The following FHIP2A variants were observed in gnomAD, a reference collection of about 807,000 sequenced individuals.
The protein encoded by FHIP2A is FHF complex subunit HOOK interacting protein 2A.
A neutral mutation model predicts 93.5 loss-of-function variants in FHIP2A; 46 were observed. That is an observed-to-expected ratio of 0.49 (90% confidence interval 0.39 to 0.63). The LOEUF is 0.63. Ranked by LOEUF, FHIP2A falls within the 20% of genes least tolerant of loss-of-function variation. FHIP2A has a pLI of 0.00. For synonymous variants in FHIP2A, 332 were observed against 326.5 expected, an observed-to-expected ratio of 1.02 and a Z score of -0.18; for missense variants, 769 against 909.7, an observed-to-expected ratio of 0.85 and a Z score of 1.99.
Position 114,861,262 on chromosome 10 carries a change from G to A in FHIP2A, c.2120G>A (p.Arg707His), listed in dbSNP as rs200572598. Residue 707 changes from arginine to histidine, a missense_variant, in exon 16 of 17, where the codon CGT becomes CAT. Coordinates refer to ENST00000369248, the MANE Select transcript of FHIP2A (RefSeq NM_020940.4). ...GGAGACCTTATGCTTCGAATCCAGC[G>A]TATTCAAGACTTTACTCCCAAGCTT... ...VVGDLMLRIQ[R>H]IQDFTPKLLL... is the part of the protein sequence containing the mutation. 1.9e-5 allele frequency: 31 copies of A among 1,614,010 alleles called. No homozygotes were observed. Among genetic ancestry groups the A allele is most frequent in the Middle Eastern group, 1.6e-4 (1 of 6,084 alleles).
At chr10:114,845,980 A>T (rs933425956) in intron 8 of FHIP2A, 33 bp from the exon 9 acceptor site, 6 of 751,302 alleles carry the variant, frequency 8.0e-6, no homozygotes, top group African/African-American at 2.0e-5. Flanking sequence ...CTTTTATATT[A>T]AAAAAAAAAA....
chr10:114,847,068 T>C (rs1404002850), intron 11 of FHIP2A, 22 bp from the exon 12 acceptor site: 5 of 1,573,270 alleles, frequency 3.2e-6, no homozygotes, highest in Non-Finnish European at 4.3e-6. Context: ...GTGCTTTTTA[T>C]GTGTCATTAA....
chr10:114,859,974 G>GT (rs2083788253), intron 14 of FHIP2A, among the ~76,000 whole-genome samples: 1 of 152,118 alleles, frequency 6.6e-6, no homozygotes. Flanking sequence ...TACTGTATGT[G>GT]TTTTTGGGAA....
intron 16 of FHIP2A, among the ~76,000 whole-genome samples, chr10:114,874,849 G>GT (rs2083876458): frequency 6.6e-6 from 1 of 152,164 alleles, no homozygotes; most frequent in Non-Finnish European, 1.5e-5. Context: ...AAAAGCAGAG[G>GT]TGACTCAGGC....
At chr10:114,890,267 A>T (rs1481814580) in intron 16 of FHIP2A, among the ~76,000 whole-genome samples, 1 of 151,910 alleles carries the variant, frequency 6.6e-6, no homozygotes, top group East Asian at 1.9e-4. Context: ...ACCTCAAGTG[A>T]TCCACCCACC....
intron 1 of FHIP2A, among the ~76,000 whole-genome samples, chr10:114,830,437 T>C (rs1274979050): frequency 6.6e-6 from 1 of 151,984 alleles, no homozygotes; most frequent in African/African-American, 2.4e-5. Flanking sequence ...CACGCCTGGC[T>C]AATTTTTGTA....
intron 12 of FHIP2A, among the ~76,000 whole-genome samples, chr10:114,847,892 G>T (rs79201119): frequency 6.6e-6 from 1 of 151,898 alleles, no homozygotes; most frequent in Non-Finnish European, 1.5e-5. Context: ...GATTACAGTC[G>T]CATGGCTACT....
Position 114,863,824 on chromosome 10 carries a change from A to G in FHIP2A, c.*2284A>G, listed in dbSNP as rs1337837559. On this transcript the variant is annotated 3_prime_UTR_variant, in exon 17 of 17. Transcript: ENST00000369248. ...CTGAGTGGAAAGCACCGTCATAACA[A>G]TTGATTGCCATAGCAAGTTCCAAAG... The G allele has an allele frequency of 9.4e-7, 1 of 1,061,132 alleles. No individual in the cohort carries two copies. Among genetic ancestry groups the G allele is most frequent in the Non-Finnish European group, 1.2e-6 (1 of 866,538 alleles). 65.7% of individuals were successfully genotyped at this position (1,061,132 alleles called of 1,614,324 possible).
chr10:114,857,158 G>A (rs1439483864), intron 14 of FHIP2A, among the ~76,000 whole-genome samples: 2 of 151,900 alleles, frequency 1.3e-5, no homozygotes, highest in East Asian at 3.9e-4. Flanking sequence ...AAGCCTTTTG[G>A]GTAAGAACGT....
At chr10:114,868,190 C>T (rs1216072087), downstream of FHIP2A, among the ~76,000 whole-genome samples, 1 of 152,106 alleles carries the variant, frequency 6.6e-6, no homozygotes, top group Non-Finnish European at 1.5e-5. Context: ...GGTCCCCCAA[C>T]CCCCGGGCCA....
At position 114,843,723 on chromosome 10, in the gene FHIP2A, G is replaced by T. The variant is rs115187889; in HGVS notation, c.817-18G>T. On this transcript the variant is annotated intron_variant, in intron 6 of 16. Transcript: ENST00000369248. The stretch of plus-strand genomic sequence containing the variant: ...ATATACAATTCAAGAATTGAAGGGG[G>T]ATTTTTTTTTCCTTTAGGATGGCAG... The T allele has an allele frequency of 9.5e-4, 1,404 of 1,475,600 alleles. 17 individuals are homozygous for T. In the African/African-American group the frequency reaches 0.018, roughly 19 times the overall value. The allele number at this position is 1,475,600 out of a possible 1,614,324, so 91.4% of individuals were successfully genotyped here. A position where few individuals can be genotyped will look rare whatever the true frequency, so the allele number is the denominator to read the frequency against.
At chr10:114,825,870 A>G (rs74158068) in intron 1 of FHIP2A, among the ~76,000 whole-genome samples, 5,978 of 152,306 alleles carry the variant, frequency 0.039, 338 homozygotes, top group African/African-American at 0.13. Context: ...TTGCGGGCAG[A>G]TTTATTCCAG....
At chr10:114,856,831 A>G (rs1359598633) in intron 14 of FHIP2A, among the ~76,000 whole-genome samples, 1 of 152,214 alleles carries the variant, frequency 6.6e-6, no homozygotes, top group Non-Finnish European at 1.5e-5. Flanking sequence ...GTAACCGTGT[A>G]TCATAGGCAA....
intron 13 of FHIP2A, among the ~76,000 whole-genome samples, chr10:114,854,565 C>T (rs1017683945): frequency 6.6e-6 from 1 of 152,054 alleles, no homozygotes; most frequent in Non-Finnish European, 1.5e-5. Flanking sequence ...CTGATTATTT[C>T]ATAGTTAGAT....
chr10:114,882,240 GA>G (rs2083920669), intron 16 of FHIP2A, among the ~76,000 whole-genome samples: 1 of 152,052 alleles, frequency 6.6e-6, no homozygotes, highest in Non-Finnish European at 1.5e-5. Flanking sequence ...ACCTCTCAGC[GA>G]AGAATGAGGC....
At chr10:114,828,240 G>C (rs184364864) in intron 1 of FHIP2A, among the ~76,000 whole-genome samples, 1 of 152,266 alleles carries the variant, frequency 6.6e-6, no homozygotes, top group African/African-American at 2.4e-5. Flanking sequence ...TATTCACAAA[G>C]TAACACCATT....
At chr10:114,837,781 A>G (rs1391047746) in intron 5 of FHIP2A, among the ~76,000 whole-genome samples, 1 of 152,136 alleles carries the variant, frequency 6.6e-6, no homozygotes, top group Non-Finnish European at 1.5e-5. Flanking sequence ...AGTCATAGCA[A>G]TGTAATTAGC....
intron 7 of FHIP2A, among the ~76,000 whole-genome samples, chr10:114,844,871 G>A (rs774413226): frequency 5.9e-5 from 9 of 151,998 alleles, no homozygotes; most frequent in Non-Finnish European, 8.8e-5. Context: ...CGCAACCTCC[G>A]TCTCCCAGGT....
At chr10:114,885,361 C>T (rs1342323275) in intron 16 of FHIP2A, among the ~76,000 whole-genome samples, 1 of 150,414 alleles carries the variant, frequency 6.6e-6, no homozygotes, top group Non-Finnish European at 1.5e-5. Flanking sequence ...TGCCATTGCA[C>T]TCCAGCCTGC....
Sources: allele counts gnomAD v4.1 joint callset (sites outside exome capture counted in the v4.1 genomes callset), GRCh38; gene constraint gnomAD v4.1.1; transcripts MANE v1.5; gene names NCBI Gene and HGNC (gene_info 2026-07-23, HGNC 2026-07-21).